BCAS3: variants seen among roughly 807,000 people sequenced by gnomAD.
BCAS3 encodes the protein BCAS3 microtubule associated cell migration factor, also known as BCAS4/BCAS3 fusion.
Under a neutral mutation model 116.1 loss-of-function variants are expected in BCAS3, and 53 were observed. That is an observed-to-expected ratio of 0.46 (90% CI 0.37 to 0.57). BCAS3 has a LOEUF of 0.57. BCAS3 is among the 20% of genes least tolerant of loss of function. BCAS3 has a pLI of 0.00. For missense variants in BCAS3, 917 were observed against 1,165.4 expected, an observed-to-expected ratio of 0.79 and a Z score of 3.10; for synonymous variants, 391 against 408.2, an observed-to-expected ratio of 0.96 and a Z score of 0.51.
chr17:61,110,992 G>A (rs1156778062), intron 22 of BCAS3, among the ~76,000 whole-genome samples: 2 of 152,128 alleles, frequency 1.3e-5, no homozygotes, highest in Non-Finnish European at 2.9e-5. Context: ...ACCTCACACA[G>A]CAGGGTATTC....
intron 22 of BCAS3, among the ~76,000 whole-genome samples, chr17:61,193,370 A>G (rs79554841): frequency 0.015 from 2,332 of 152,344 alleles, 34 homozygotes; most frequent in South Asian, 0.04. Flanking sequence ...CTGTCAGTGC[A>G]ATACAAGGCG....
At chr17:60,697,123 G>A (rs914714914) in intron 4 of BCAS3, among the ~76,000 whole-genome samples, 5 of 152,128 alleles carry the variant, frequency 3.3e-5, no homozygotes, top group African/African-American at 7.2e-5. Context: ...CCAGGAGGTC[G>A]AGGCTTCAGC....
In BCAS3 at chr17:61,087,064, A is replaced by G; in HGVS notation, c.2425+2500A>G. ...TAAATAATTTGAGTTCTTTATGTAAACATATTTATGGGAAAATTTTGTTGT... is the reference window on the plus strand; with the variant it reads ...TAAATAATTTGAGTTCTTTATGTAAGCATATTTATGGGAAAATTTTGTTGT... On this transcript the variant is annotated intron_variant, in intron 22 of 23. Coordinates refer to ENST00000407086, the MANE Select transcript of BCAS3 (RefSeq NM_017679.5). This position sits in a 1 kb window ranked among gnomAD's most constrained non-coding sequence, Gnocchi z 4.6. 2 of 985,046 alleles carry G rather than the reference A, an allele frequency of 2.0e-6. No individual in the cohort carries two copies. 61.0% of individuals were successfully genotyped at this position (985,046 alleles called of 1,614,324 possible). A position where few individuals can be genotyped will look rare whatever the true frequency, so the allele number is the denominator to read the frequency against.
intron 12 of BCAS3, among the ~76,000 whole-genome samples, chr17:60,918,178 A>G (rs1221857729): frequency 6.6e-6 from 1 of 152,122 alleles, no homozygotes; most frequent in Non-Finnish European, 1.5e-5. Context: ...TGGCCATCCT[A>G]ATGATGTAAA....
chr17:60,700,383 C>T (rs2036233328), intron 4 of BCAS3, among the ~76,000 whole-genome samples: 1 of 152,034 alleles, frequency 6.6e-6, no homozygotes, highest in Non-Finnish European at 1.5e-5. Context: ...CTGGCTTTGC[C>T]AATGGGGTAA....
intron 19 of BCAS3, chr17:61,070,397 A>ATATG (rs1218400832): frequency 5.7e-6 from 1 of 175,232 alleles, no homozygotes; most frequent in African/African-American, 2.7e-5. Flanking sequence ...ATATATATAT[A>ATATG]TATCTTTTCA....
At chr17:61,155,572 CCTCT>C (rs1220554147) in intron 22 of BCAS3, among the ~76,000 whole-genome samples, 2 of 151,624 alleles carry the variant, frequency 1.3e-5, no homozygotes, top group Admixed American at 6.6e-5. Context: ...TAGGAGCGAA[CCTCT>C]CTATTTGTCA....
intron 6 of BCAS3, among the ~76,000 whole-genome samples, chr17:60,795,737 T>C (rs2047158918): frequency 6.6e-6 from 1 of 152,216 alleles, no homozygotes; most frequent in South Asian, 2.1e-4. Context: ...TTGCCCAGGC[T>C]GGAGTGCAGT....
In BCAS3 at chr17:61,116,188, A is replaced by G. The variant is rs545090489; in HGVS notation, c.2425+31624A>G. On this transcript the variant is annotated intron_variant, in intron 22 of 23. Transcript: ENST00000407086. ...GCGCACCAGCATGGCACATGTATACATATGTAACTAACCTGCACAATGTGC... is the reference window on the plus strand; with the variant it reads ...GCGCACCAGCATGGCACATGTATACGTATGTAACTAACCTGCACAATGTGC... Among the ~76,000 whole-genome samples, 19 of 152,198 alleles carry G rather than the reference A, an allele frequency of 1.2e-4. No individual in the cohort carries two copies. In the East Asian group the frequency reaches 3.1e-3, roughly 25 times the overall value.
chr17:61,053,055 AT>A (rs1005266134), intron 19 of BCAS3, among the ~76,000 whole-genome samples: 3 of 152,000 alleles, frequency 2.0e-5, no homozygotes, highest in Non-Finnish European at 2.9e-5. Flanking sequence ...CTGTCTATTG[AT>A]TTATAGGCTT....
chr17:61,002,719 A>G (rs1198202203), intron 15 of BCAS3: 1 of 152,114 alleles, frequency 6.6e-6, no homozygotes, highest in Non-Finnish European at 1.5e-5. Context: ...TTTTAGTTAT[A>G]TCATTTGAGT....
chr17:60,897,573 C>T (rs533188726), intron 10 of BCAS3, among the ~76,000 whole-genome samples: 1 of 152,248 alleles, frequency 6.6e-6, no homozygotes, highest in East Asian at 1.9e-4. Flanking sequence ...TATGTTTCCC[C>T]AGATGTCATA....
intron 14 of BCAS3, among the ~76,000 whole-genome samples, chr17:60,948,988 T>C (rs2060682739): frequency 6.6e-6 from 1 of 151,924 alleles, no homozygotes; most frequent in African/African-American, 2.4e-5. Flanking sequence ...GCAATTCTCC[T>C]ACCTCAGCAT....
Position 61,045,864 on chromosome 17 carries a change from TAA to T in BCAS3, c.2029+4974_2029+4975del, listed in dbSNP as rs377617187. 1.7e-3 allele frequency among the ~76,000 whole-genome samples: 55 copies of T among 31,444 alleles called. 3 individuals carry two copies. In the African/African-American group the frequency reaches 0.019, roughly 11 times the overall value. The allele number at this position is 31,444 out of a possible 152,430, so 20.6% of individuals were successfully genotyped here. A position where few individuals can be genotyped will look rare whatever the true frequency, so the allele number is the denominator to read the frequency against. ...CTCTCTCTCTCTATATATATATATA[TAA>T]ATATATATAAATATATATTATATAT... On this transcript the variant is annotated intron_variant, in intron 19 of 23. Coordinates refer to ENST00000407086, the MANE Select transcript of BCAS3 (RefSeq NM_017679.5).
At chr17:60,972,537 C>T (rs765301263) in intron 14 of BCAS3, among the ~76,000 whole-genome samples, 1 of 145,596 alleles carries the variant, frequency 6.9e-6, no homozygotes, top group Non-Finnish European at 1.5e-5. Context: ...CAGCCTTGAA[C>T]TCCTGGGCTC....
chr17:60,973,263 G>C (rs1296040246), intron 14 of BCAS3, among the ~76,000 whole-genome samples: 2 of 152,082 alleles, frequency 1.3e-5, no homozygotes, highest in Non-Finnish European at 2.9e-5. Flanking sequence ...CATCAGTGAT[G>C]TTAATTTCCT....
At chr17:60,856,103 C>T (rs954626661) in intron 7 of BCAS3, among the ~76,000 whole-genome samples, 16 of 152,270 alleles carry the variant, frequency 1.1e-4, no homozygotes, top group African/African-American at 3.1e-4. Flanking sequence ...GTCAGCTGAA[C>T]GTATTTCTGA....
At chr17:61,099,148 A>G (rs1276457854) in intron 22 of BCAS3, among the ~76,000 whole-genome samples, 1 of 152,044 alleles carries the variant, frequency 6.6e-6, no homozygotes, top group East Asian at 1.9e-4. Context: ...ATACTCCTGG[A>G]TGGCATTATT....
chr17:61,028,347 C>T lies in BCAS3; in HGVS notation c.1638-6319C>T, dbSNP rs558007424. Among the ~76,000 whole-genome samples the T allele has an allele frequency of 6.6e-6, 1 of 151,870 alleles. No individual in the cohort carries two copies. The highest frequency in any genetic ancestry group is 6.6e-5 in the Admixed American group (1 of 15,234). On this transcript the variant is annotated intron_variant, in intron 16 of 23. Transcript: ENST00000407086. This position sits in a 1 kb window ranked among gnomAD's most constrained non-coding sequence, Gnocchi z 4.3. ...ATTCAGGATATACAAGAATATAAAT[C>T]TCATGAAAGTTGATCTTTATTCATT... is the stretch of plus-strand genomic sequence containing the variant.
Sources: allele counts gnomAD v4.1 joint callset (sites outside exome capture counted in the v4.1 genomes callset), GRCh38; gene constraint gnomAD v4.1.1; non-coding constraint Gnocchi (gnomAD v3.1); transcripts MANE v1.5; gene names NCBI Gene and HGNC (gene_info 2026-07-23, HGNC 2026-07-21).